Variants in DHX37 observed in about 807,000 individuals in gnomAD.
The protein encoded by DHX37 is probable ATP-dependent RNA helicase DHX37.
In DHX37, 52 loss-of-function variants were observed where a neutral mutation model predicts 134.3. The observed-to-expected ratio is 0.39, with a 90% CI of 0.31 to 0.49. DHX37 has a LOEUF of 0.49. Among genes scored for constraint, DHX37 ranks in the 20% least tolerant of loss-of-function variants. The pLI is 0.93. For synonymous variants in DHX37, 634 were observed against 670.7 expected (o/e 0.95, Z 0.85); for missense variants, 1,344 against 1,580.8 (o/e 0.85, Z 2.54).
At chr12:124,974,945 C>G (rs1341506364) in intron 6 of DHX37, among the ~76,000 whole-genome samples, 1 of 151,878 alleles carries the variant, frequency 6.6e-6, no homozygotes, top group Non-Finnish European at 1.5e-5. Flanking sequence ...CCTGGCTCAT[C>G]TTGTATTTTT....
At chr12:124,970,791 C>A (rs192440492) in intron 8 of DHX37, among the ~76,000 whole-genome samples, 1 of 152,222 alleles carries the variant, frequency 6.6e-6, no homozygotes, top group African/African-American at 2.4e-5. Flanking sequence ...CCCCTCTCCC[C>A]GCCGGGAGGG....
Position 124,954,172 on chromosome 12 carries a change from G to A in DHX37, c.2493C>T (p.Ser831=). ...TCATCTGGGCCACCCGGGCCCGCTT[G>A]CTCTTCAGCCTGGTGAGCTCCTCGT... The part of the protein sequence containing the change: ...ASDEELTRLK[S]KRARVAQMKR... The change falls in exon 19 of 27, where the codon AGC becomes AGT. Residue 831 remains serine, a synonymous_variant. Transcript: ENST00000308736. 1 of 1,611,448 alleles carries A rather than the reference G, an allele frequency of 6.2e-7. No homozygotes were observed. Among genetic ancestry groups the A allele is most frequent in the Non-Finnish European group, 8.5e-7 (1 of 1,179,002 alleles).
intron 6 of DHX37, among the ~76,000 whole-genome samples, chr12:124,974,425 T>C (rs534338592): frequency 4.6e-5 from 7 of 151,846 alleles, no homozygotes; most frequent in East Asian, 3.9e-4. Context: ...GGGCCCCCAG[T>C]ACTCCATCCC....
In DHX37 at chr12:124,980,352, G is replaced by A. The variant is rs540107989; in HGVS notation, c.738+138C>T. On this transcript the variant is annotated intron_variant, in intron 4 of 26. Coordinates refer to ENST00000308736, the MANE Select transcript of DHX37 (RefSeq NM_032656.4). The surrounding 1 kb of genome is among the most constrained non-coding windows in gnomAD (Gnocchi z 5.3). ...TCCCTGCCACAGCCTCAAGGGAGGC[G>A]CAGTCACTCTCCCCTTTCCCAGATG... The A allele has an allele frequency of 7.1e-5, 70 of 991,026 alleles. No homozygotes were observed. The highest frequency in any genetic ancestry group is 4.6e-4 in the South Asian group (26 of 56,412). 61.4% of individuals were successfully genotyped at this position (991,026 alleles called of 1,614,324 possible).
rs1321164678 is a variant in DHX37, at chr12:124,949,059, G to A, written c.3291-878C>T. Among the ~76,000 whole-genome samples the A allele has an allele frequency of 6.6e-6, 1 of 152,080 alleles. No homozygotes were observed. The highest frequency in any genetic ancestry group is 1.5e-5 in the Non-Finnish European group (1 of 68,006). On this transcript the variant is annotated intron_variant, in intron 25 of 26. Transcript: ENST00000308736. This position sits in a 1 kb window ranked among gnomAD's most constrained non-coding sequence, Gnocchi z 4.0. ...TGCCCAGTGAGGCTCTCCCCGACCA[G>A]CCCAGTCGCACTCCACCCCCTGCCC...
At chr12:124,951,753 C>G (rs992692012) in intron 21 of DHX37, among the ~76,000 whole-genome samples, 5 of 152,266 alleles carry the variant, frequency 3.3e-5, no homozygotes, top group African/African-American at 1.2e-4. Flanking sequence ...GGGCAGATCA[C>G]TTGAGGCCAG....
intron 4 of DHX37, among the ~76,000 whole-genome samples, chr12:124,978,988 G>A (rs1483719210): frequency 6.6e-6 from 1 of 151,794 alleles, no homozygotes; most frequent in Non-Finnish European, 1.5e-5. Flanking sequence ...TGGCTATCAC[G>A]TCATTTGCAA....
intron 6 of DHX37, among the ~76,000 whole-genome samples, chr12:124,973,502 G>A (rs191128137): frequency 6.6e-6 from 1 of 152,122 alleles, no homozygotes; most frequent in East Asian, 1.9e-4. Context: ...TAAACAGTGG[G>A]GGGGAGGGGG....
In DHX37 at chr12:124,986,188, G is replaced by A; in HGVS notation, c.184C>T (p.Pro62Ser). 6.2e-7 allele frequency: 1 copy of A among 1,614,174 alleles called. No homozygotes were observed. Among genetic ancestry groups the A allele is most frequent in the South Asian group, 1.1e-5 (1 of 91,082 alleles). The change falls in exon 2 of 27, where the codon CCT becomes TCT. Residue 62 changes from proline to serine, a missense_variant. Physicochemically the swap from Pro to Ser is moderately conservative, Grantham distance 74. This residue lies in a region of DHX37 where 319 missense variants were observed against 296.1 expected (regional missense o/e 1.08). Transcript: ENST00000308736. ...TTCTTCTCCTTCTTCGACAGGGGAG[G>A]GGCTTTGGTCTTCTTTTTCTTCTTC... ...PGKKKKKTKAPPLSKKEKKPL... is the reference protein window; with the variant it reads ...PGKKKKKTKASPLSKKEKKPL...
rs1953947573 is a variant in DHX37 at position 124,950,197 on chromosome 12, C to T, written c.3168G>A (p.Glu1056=). 6.2e-7 allele frequency: 1 copy of T among 1,613,936 alleles called. No individual in the cohort carries two copies. Among genetic ancestry groups the T allele is most frequent in the Admixed American group, 1.7e-5 (1 of 60,004 alleles). Residue 1056 remains glutamate, a synonymous_variant, in exon 24 of 27, where the codon GAG becomes GAA. Transcript: ENST00000308736. Reference sequence around the variant, plus strand: ...CAAAGTGCTTGTAGCGGTCAATCCCCTCTGGAAAATCCACCTCGATGGCGG... The same window carrying T: ...CAAAGTGCTTGTAGCGGTCAATCCCTTCTGGAAAATCCACCTCGATGGCGG... ...PLPAIEVDFP[E]GIDRYKHFAR...
chr12:124,977,034 A>C (rs1954660500), intron 5 of DHX37, among the ~76,000 whole-genome samples: 1 of 135,990 alleles, frequency 7.4e-6, no homozygotes, highest in Non-Finnish European at 1.5e-5. Flanking sequence ...TGACACAGCG[A>C]GACGCTGTCT....
At chr12:124,975,534 A>G in intron 5 of DHX37, 23 bp from the exon 6 acceptor site, 2 of 1,610,270 alleles carry the variant, frequency 1.2e-6, no homozygotes, top group Middle Eastern at 1.7e-4. Flanking sequence ...GAACATGGCC[A>G]TCAACAGTGC....
At chr12:124,977,014 C>T (rs1954659557) in intron 5 of DHX37, among the ~76,000 whole-genome samples, 2 of 149,332 alleles carry the variant, frequency 1.3e-5, no homozygotes, top group African/African-American at 5.0e-5. Flanking sequence ...CCACTGTACT[C>T]CAGCCGGGGT....
intron 3 of DHX37, among the ~76,000 whole-genome samples, chr12:124,981,077 C>G (rs1437316134): frequency 6.6e-6 from 1 of 152,192 alleles, no homozygotes; most frequent in Non-Finnish European, 1.5e-5. Context: ...CTCCACCTCG[C>G]TCTTCCCTGC....
intron 18 of DHX37, 30 bp downstream of exon 18, chr12:124,956,661 G>T: frequency 6.6e-7 from 1 of 1,518,930 alleles, no homozygotes. Flanking sequence ...ACTGAGCTTG[G>T]CCCTGAGTGC....
At position 124,972,572 on chromosome 12, in the gene DHX37, T is replaced by C; in HGVS notation, c.1008A>G (p.Glu336=). Residue 336 remains glutamate (E), a synonymous_variant, in exon 7 of 27, where the codon GAA becomes GAG. Coordinates refer to ENST00000308736, the MANE Select transcript of DHX37 (RefSeq NM_032656.4). ...TTCTGGTCTCCTCTGTCACGTTTCC[T>C]TCATACCGGATCTGGTAGGAGACGA... ...QRVVSYQIRY[E]GNVTEETRIK... 1 of 1,614,204 alleles carries C rather than the reference T, an allele frequency of 6.2e-7. No individual in the cohort carries two copies. Among genetic ancestry groups the C allele is most frequent in the Non-Finnish European group, 8.5e-7 (1 of 1,180,012 alleles).
At chr12:124,952,756 A>C in intron 20 of DHX37, 186 bp from the exon 21 acceptor site, 1 of 460,478 alleles carries the variant, frequency 2.2e-6, no homozygotes, top group Non-Finnish European at 3.6e-6. Context: ...CCGCCCCCCC[A>C]TTCCCTCCTT....
intron 5 of DHX37, among the ~76,000 whole-genome samples, chr12:124,976,478 G>A (rs1028436405): frequency 1.3e-4 from 20 of 152,184 alleles, no homozygotes; most frequent in Admixed American, 4.6e-4. Flanking sequence ...TTGGGAGGTC[G>A]AGGTGGGTGG....
At chr12:124,950,268 A>G (rs1278467361) in intron 23 of DHX37, 25 bp from the exon 24 acceptor site, 2 of 1,612,724 alleles carry the variant, frequency 1.2e-6, no homozygotes, top group Non-Finnish European at 1.7e-6. Context: ...CCAGTGAGAC[A>G]GGGACCCTCC....
Sources: gnomAD v4.1 joint callset for allele counts (sites outside exome capture counted in the v4.1 genomes callset) on GRCh38, gnomAD v4.1.1 for gene constraint, gnomAD v4.1.1 regional missense constraint, Gnocchi (gnomAD v3.1) non-coding constraint, MANE v1.5 for transcripts, NCBI Gene and HGNC (gene_info 2026-07-23, HGNC 2026-07-21) for gene names.